The following CLSTN2 variants were observed in gnomAD, a reference collection of about 807,000 sequenced individuals.
CLSTN2 encodes calsyntenin-2.
Under a neutral mutation model 101.2 loss-of-function variants are expected in CLSTN2, and 48 were observed. The observed-to-expected ratio is 0.47, with a 90% CI of 0.38 to 0.60. The LOEUF is 0.60. CLSTN2 is among the 20% of genes least tolerant of loss of function. The pLI is 0.00. For missense variants in CLSTN2, 1,160 were observed against 1,238.2 expected (o/e 0.94, Z 0.95); for synonymous variants, 481 against 463.6 (o/e 1.04, Z -0.48).
intron 1 of CLSTN2, among the ~76,000 whole-genome samples, chr3:140,042,070 T>C (rs1194927140): frequency 6.6e-6 from 1 of 152,180 alleles, no homozygotes; most frequent in Non-Finnish European, 1.5e-5. Flanking sequence ...AGTCAATGGG[T>C]TTTAGTATAT....
intron 8 of CLSTN2, among the ~76,000 whole-genome samples, chr3:140,489,228 G>A (rs990272666): frequency 2.0e-5 from 3 of 152,090 alleles, no homozygotes; most frequent in Non-Finnish European, 2.9e-5. Context: ...CAGGGAAGGG[G>A]CTTCTGCACA....
chr3:140,497,399 A>G (rs969147521), intron 8 of CLSTN2, among the ~76,000 whole-genome samples: 15 of 152,126 alleles, frequency 9.9e-5, no homozygotes, highest in African/African-American at 3.6e-4. Flanking sequence ...CTATCTGGCC[A>G]CGATCTGGCA....
Position 140,094,562 on chromosome 3 carries a change from G to A in CLSTN2, c.110-81389G>A, listed in dbSNP as rs113595028. 7.2e-5 allele frequency among the ~76,000 whole-genome samples: 11 copies of A among 152,142 alleles called. 1 individual carries two copies. The highest frequency in any genetic ancestry group is 2.2e-4 in the African/African-American group (9 of 41,510). On this transcript the variant is annotated intron_variant, in intron 1 of 16. Transcript: ENST00000458420. Reference sequence around the variant, plus strand: ...TTCAAATGGTACAGGAACCTCTAGAGGGAAGAAAGGAAAAAAAAATTAGCA... The same window carrying A: ...TTCAAATGGTACAGGAACCTCTAGAAGGAAGAAAGGAAAAAAAAATTAGCA...
At chr3:139,940,741 G>A (rs1205742750) in intron 1 of CLSTN2, among the ~76,000 whole-genome samples, 2 of 152,130 alleles carry the variant, frequency 1.3e-5, no homozygotes, top group Non-Finnish European at 2.9e-5. Flanking sequence ...AAAAAGACAT[G>A]CTTTTTTTCA....
At chr3:140,443,141 A>C (rs1932997574) in intron 5 of CLSTN2, among the ~76,000 whole-genome samples, 1 of 152,172 alleles carries the variant, frequency 6.6e-6, no homozygotes, top group Admixed American at 6.5e-5. Context: ...CTTTGTGTAA[A>C]TCCAGCAATT....
intron 1 of CLSTN2, among the ~76,000 whole-genome samples, chr3:140,147,262 A>T (rs1044259733): frequency 3.9e-5 from 6 of 152,240 alleles, no homozygotes. Flanking sequence ...AGAACCCCTG[A>T]GGTTGAGGCT....
At chr3:140,137,133 A>G (rs2009626835) in intron 1 of CLSTN2, among the ~76,000 whole-genome samples, 1 of 152,176 alleles carries the variant, frequency 6.6e-6, no homozygotes, top group African/African-American at 2.4e-5. Context: ...AGAGAGAACC[A>G]TTGGTGAGGG....
intron 2 of CLSTN2, among the ~76,000 whole-genome samples, chr3:140,180,036 C>T (rs113180925): frequency 1.9e-4 from 29 of 152,304 alleles, no homozygotes; most frequent in African/African-American, 7.0e-4. Flanking sequence ...TAGTAGTAGC[C>T]TTGCTGTCAT....
chr3:139,964,375 G>A (rs996797964), intron 1 of CLSTN2, among the ~76,000 whole-genome samples: 5 of 152,198 alleles, frequency 3.3e-5, no homozygotes, highest in South Asian at 4.1e-4. Flanking sequence ...GGAGGTCGGT[G>A]CAAGTGTTAG....
At chr3:140,241,731 G>T (rs2086468518) in intron 2 of CLSTN2, among the ~76,000 whole-genome samples, 1 of 151,080 alleles carries the variant, frequency 6.6e-6, no homozygotes, top group African/African-American at 2.4e-5. Context: ...AGGAAAATTG[G>T]CCTTTGACAG....
In CLSTN2 at chr3:140,084,849, C is replaced by A. The variant is rs188569179; in HGVS notation, c.110-91102C>A. On this transcript the variant is annotated intron_variant, in intron 1 of 16. Transcript: ENST00000458420. ...CTTCCTAGCAACAGAGAATACAGTA[C>A]CCTCCTGAGGAAGTCTACTTGCTTT... Among the ~76,000 whole-genome samples the A allele has an allele frequency of 1.1e-4, 16 of 152,312 alleles. No individual in the cohort carries two copies. The East Asian group carries it at 3.1e-3, about 29-fold the overall frequency.
At chr3:140,139,969 G>T (rs143008048) in intron 1 of CLSTN2, among the ~76,000 whole-genome samples, 64 of 152,286 alleles carry the variant, frequency 4.2e-4, no homozygotes, top group Middle Eastern at 6.8e-3. Context: ...AGGGAACAGT[G>T]GCATGTACTT....
chr3:140,333,544 T>C (rs1440577606), intron 2 of CLSTN2, among the ~76,000 whole-genome samples: 1 of 152,166 alleles, frequency 6.6e-6, no homozygotes, highest in Non-Finnish European at 1.5e-5. Flanking sequence ...CCTTGTTTCC[T>C]CTTTTCCACT....
intron 2 of CLSTN2, among the ~76,000 whole-genome samples, chr3:140,180,135 A>G (rs1005888176): frequency 2.0e-5 from 3 of 152,328 alleles, no homozygotes; most frequent in East Asian, 3.9e-4. Flanking sequence ...CAATGATTCA[A>G]GATATAGGAG....
intron 1 of CLSTN2, among the ~76,000 whole-genome samples, chr3:140,037,537 C>G (rs1163944753): frequency 6.7e-6 from 1 of 149,916 alleles, no homozygotes; most frequent in Non-Finnish European, 1.5e-5. Flanking sequence ...TTTTCTTATG[C>G]ATTCGTCTTT....
intron 4 of CLSTN2, among the ~76,000 whole-genome samples, chr3:140,409,692 T>C (rs2088341531): frequency 6.6e-6 from 1 of 152,136 alleles, no homozygotes; most frequent in African/African-American, 2.4e-5. Flanking sequence ...ATACTGTCAG[T>C]AAGTAACCAA....
At chr3:140,438,054 G>A (rs1426748177) in intron 5 of CLSTN2, among the ~76,000 whole-genome samples, 3 of 152,176 alleles carry the variant, frequency 2.0e-5, no homozygotes, top group African/African-American at 7.2e-5. Flanking sequence ...ATAGGGCCAT[G>A]TGATTATCAT....
At position 140,466,659 on chromosome 3, in the gene CLSTN2, C is replaced by G. The variant is rs1191568953; in HGVS notation, c.1272C>G (p.Val424=). ...YALYVHNCRL[V]FLLRKDFDQA... Reference sequence around the variant, plus strand: ...TGTATGTGCACAACTGCCGCCTCGTCTTTCTCTTGCGGAAGGACTTCGACC... The same window carrying G: ...TGTATGTGCACAACTGCCGCCTCGTGTTTCTCTTGCGGAAGGACTTCGACC... The change falls in exon 8 of 17, where the codon GTC becomes GTG. Residue 424 remains valine (V), a synonymous_variant. Transcript: ENST00000458420. 6.2e-7 allele frequency: 1 copy of G among 1,614,084 alleles called. No individual in the cohort carries two copies. The highest frequency in any genetic ancestry group is 8.5e-7 in the Non-Finnish European group (1 of 1,180,032).
At chr3:139,951,989 A>T (rs1935304115) in intron 1 of CLSTN2, among the ~76,000 whole-genome samples, 1 of 152,108 alleles carries the variant, frequency 6.6e-6, no homozygotes, top group South Asian at 2.1e-4. Context: ...CCCCCTCCTC[A>T]CATAAGCTTG....
Sources: allele counts gnomAD v4.1 joint callset (sites outside exome capture counted in the v4.1 genomes callset), GRCh38; gene constraint gnomAD v4.1.1; transcripts MANE v1.5; gene names NCBI Gene and HGNC (gene_info 2026-07-23, HGNC 2026-07-21).